The following PCDHA10 variants were observed in gnomAD, a reference collection of about 807,000 sequenced individuals.
PCDHA10 encodes the protein protocadherin alpha-10.
Under a neutral mutation model 61.2 loss-of-function variants are expected in PCDHA10, and 45 were observed. The observed-to-expected ratio is 0.74, with a 90% CI of 0.58 to 0.94. PCDHA10 has a LOEUF of 0.94. PCDHA10 is among the 40% of genes least tolerant of loss of function. PCDHA10 has a pLI of 0.00. For missense variants in PCDHA10, 1,278 were observed against 1,236.2 expected (o/e 1.03, Z -0.51); for synonymous variants, 602 against 548.8 (o/e 1.10, Z -1.35).
chr5:140,857,788 GCTGCGGTCGGTGGTTGCGGGT>G lies in PCDHA10; in HGVS notation c.1742_1762del (p.Leu581_Gly587del). Reference sequence around the variant, plus strand: ...CGGGCGGTGCAGTCAGTGAGCTGGTGCTGCGGTCGGTGGTTGCGGGTCACGTGGTGGCTAAGGTGCGCGCAG... The same window carrying G: ...CGGGCGGTGCAGTCAGTGAGCTGGTGCACGTGGTGGCTAAGGTGCGCGCAG... On this transcript the variant is annotated inframe_deletion, in exon 1 of 4. Coordinates refer to ENST00000307360, the MANE Select transcript of PCDHA10 (RefSeq NM_018901.4). The G allele has an allele frequency of 6.3e-7, 1 of 1,597,732 alleles. No homozygotes were observed. The highest frequency in any genetic ancestry group is 1.1e-5 in the South Asian group (1 of 90,478).
At chr5:140,903,916 T>C (rs1192195691) in intron 1 of PCDHA10, among the ~76,000 whole-genome samples, 1 of 152,260 alleles carries the variant, frequency 6.6e-6, no homozygotes, top group African/African-American at 2.4e-5. Flanking sequence ...TGTGACTTCC[T>C]TGCTGCATTG....
Position 141,010,460 on chromosome 5 carries a change from A to G in PCDHA10, c.*523A>G. ...AGACAAATAAACAGCGGAAGTTATC[A>G]GTATGGAGGGGAAGTGTAAACTTAA... On this transcript the variant is annotated 3_prime_UTR_variant, in exon 4 of 4. Coordinates refer to ENST00000307360, the MANE Select transcript of PCDHA10 (RefSeq NM_018901.4). The G allele has an allele frequency of 1.2e-6, 1 of 835,130 alleles. No individual in the cohort carries two copies. The highest frequency in any genetic ancestry group is 1.8e-6 in the Non-Finnish European group (1 of 562,732). The allele number at this position is 835,130 out of a possible 1,614,324, so 51.7% of individuals were successfully genotyped here.
intron 3 of PCDHA10, among the ~76,000 whole-genome samples, chr5:140,997,668 T>TTG (rs35184029): frequency 0.084 from 12,442 of 148,286 alleles, 534 homozygotes; most frequent in Admixed American, 0.1. Flanking sequence ...ATTATACAGC[T>TTG]TGTGTGTGTG....
At chr5:141,009,104 T>G (rs2098399543) in intron 3 of PCDHA10, among the ~76,000 whole-genome samples, 1 of 152,220 alleles carries the variant, frequency 6.6e-6, no homozygotes, top group Non-Finnish European at 1.5e-5. Flanking sequence ...CATATGTTAC[T>G]ATGAAACTAG....
intron 3 of PCDHA10, among the ~76,000 whole-genome samples, chr5:140,987,333 T>C (rs1470731690): frequency 6.6e-6 from 1 of 152,158 alleles, no homozygotes; most frequent in East Asian, 1.9e-4. Context: ...TAAGAACTGG[T>C]CTAAGGTAAA....
Position 140,858,267 on chromosome 5 carries a change from C to G in PCDHA10, c.2219C>G (p.Ser740Cys). Residue 740 changes from serine (S) to cysteine (C), a missense_variant, in exon 1 of 4, where the codon TCT (serine) becomes TGT (cysteine). By Grantham distance (112) the Ser-to-Cys change is moderately radical. Coordinates refer to ENST00000307360, the MANE Select transcript of PCDHA10 (RefSeq NM_018901.4). ...CGPVKPTLVC[S>C]SAVGSWSYSQ... ...CCGGTGAAGCCCACGCTGGTGTGCT[C>G]TAGCGCGGTGGGGAGCTGGTCTTAC... The G allele has an allele frequency of 6.3e-7, 1 of 1,597,232 alleles. No homozygotes were observed. Among genetic ancestry groups the G allele is most frequent in the Non-Finnish European group, 8.6e-7 (1 of 1,167,002 alleles).
intron 1 of PCDHA10, among the ~76,000 whole-genome samples, chr5:140,910,796 C>T (rs2075173732): frequency 6.6e-6 from 1 of 152,112 alleles, no homozygotes; most frequent in South Asian, 2.1e-4. Flanking sequence ...ATGCAGAATC[C>T]CTGCTTAGTG....
chr5:140,933,853 A>AT (rs2089460601), intron 1 of PCDHA10, among the ~76,000 whole-genome samples: 2 of 151,568 alleles, frequency 1.3e-5, no homozygotes, highest in Non-Finnish European at 3.0e-5. Context: ...TGTACCTTTA[A>AT]TTTTTTCAGA....
chr5:140,871,184 A>T, intron 1 of PCDHA10: 1 of 1,613,552 alleles, frequency 6.2e-7, no homozygotes, highest in Non-Finnish European at 8.5e-7. Flanking sequence ...GCGCTGGTGG[A>T]TGTCAACGTG....
At chr5:140,926,519 C>T (rs2083298131) in intron 1 of PCDHA10, 1 of 204,364 alleles carries the variant, frequency 4.9e-6, no homozygotes, top group Non-Finnish European at 9.7e-6. Flanking sequence ...AGGCTCCGCC[C>T]TGCGCCCGCA....
rs1563353899 is a variant in PCDHA10, at chr5:140,966,713, G to A, written c.2389-12236G>A. The A allele has an allele frequency of 4.3e-6, 6 of 1,392,826 alleles. No individual in the cohort carries two copies. The African/African-American group carries it at 9.1e-5, about 21-fold the overall frequency. 86.3% of individuals were successfully genotyped at this position (1,392,826 alleles called of 1,614,324 possible). ...CGGGGCCCGGGCGTGGGGCACGGCTGGGGAAGCTGCCGCCTCCGGCCCTGC... is the reference window on the plus strand; with the variant it reads ...CGGGGCCCGGGCGTGGGGCACGGCTAGGGAAGCTGCCGCCTCCGGCCCTGC... On this transcript the variant is annotated intron_variant, in intron 1 of 3. Transcript: ENST00000307360.
rs140124026 is a variant in PCDHA10, at chr5:140,973,683, C to T, written c.2389-5266C>T. On this transcript the variant is annotated intron_variant, in intron 1 of 3. Coordinates refer to ENST00000307360, the MANE Select transcript of PCDHA10 (RefSeq NM_018901.4). ...TTTATTGTAGCTTGAATGTCATTGG[C>T]CTACTGTTTCCTTCTGACCCAGGAG... is the stretch of plus-strand genomic sequence containing the variant. Among the ~76,000 whole-genome samples, 5 of 152,316 alleles carry T rather than the reference C, an allele frequency of 3.3e-5. No homozygotes were observed. The East Asian group carries it at 7.7e-4, about 24-fold the overall frequency.
intron 1 of PCDHA10, among the ~76,000 whole-genome samples, chr5:140,965,867 C>T (rs1267904737): frequency 1.3e-5 from 2 of 152,164 alleles, no homozygotes; most frequent in Non-Finnish European, 2.9e-5. Context: ...AAAATAAGGG[C>T]CACTTGGCCG....
At chr5:140,966,989 G>C (rs879989091) in intron 1 of PCDHA10, 7 of 1,604,030 alleles carry the variant, frequency 4.4e-6, no homozygotes, top group Non-Finnish European at 5.1e-6. Context: ...CTTGGGGCCG[G>C]GTTGCTTGCG....
At chr5:140,910,641 C>T (rs1270893523) in intron 1 of PCDHA10, among the ~76,000 whole-genome samples, 1 of 152,206 alleles carries the variant, frequency 6.6e-6, no homozygotes, top group Non-Finnish European at 1.5e-5. Flanking sequence ...CTCCCTAAAC[C>T]TTTTGATCCC....
At chr5:140,969,598 T>C in intron 1 of PCDHA10, 1 of 790,872 alleles carries the variant, frequency 1.3e-6, no homozygotes, top group Non-Finnish European at 1.9e-6. Context: ...TAATATTTAA[T>C]GCTAAAACAC....
rs1238256859 is a variant in PCDHA10, at chr5:141,010,204, C to T, written c.*267C>T. 6.4e-7 allele frequency: 1 copy of T among 1,551,970 alleles called. No homozygotes were observed. On this transcript the variant is annotated 3_prime_UTR_variant, in exon 4 of 4. Transcript: ENST00000307360. The stretch of plus-strand genomic sequence containing the variant: ...GACCCAAGTTTCCTTTCTCCTCCGC[C>T]GCAAAGGAGAGGCTTCCCAGCCCCG...
chr5:141,009,707 A>C lies in PCDHA10; in HGVS notation c.2617A>C (p.Asn873His). 6.2e-7 allele frequency: 1 copy of C among 1,614,144 alleles called. No individual in the cohort carries two copies. Among genetic ancestry groups the C allele is most frequent in the African/African-American group, 1.3e-5 (1 of 75,024 alleles). The change falls in exon 4 of 4, where the codon AAC becomes CAC. Residue 873 changes from asparagine (N) to histidine (H), a missense_variant. By Grantham distance (68) the Asn-to-His change is moderately conservative. Transcript: ENST00000307360. ...CTGGACCTTTAAATACGGACCAGGC[A>C]ACCCCAAACAATCCGGTCCCGGTGA... is the stretch of plus-strand genomic sequence containing the variant. ...NSWTFKYGPG[N>H]PKQSGPGELP...
Position 140,871,114 on chromosome 5 carries a change from A to G in PCDHA10, c.2388+12678A>G, listed in dbSNP as rs1554165136. The G allele has an allele frequency of 1.9e-6, 3 of 1,613,090 alleles. No individual in the cohort carries two copies. The African/African-American group carries it at 4.0e-5, about 22-fold the overall frequency. On this transcript the variant is annotated intron_variant, in intron 1 of 3. Transcript: ENST00000307360. ...CACCGTGCTGGTGTCGTTGGTGGAGAGCGGACAGGCGCCAAAGGCCTCTTC... is the reference window on the plus strand; with the variant it reads ...CACCGTGCTGGTGTCGTTGGTGGAGGGCGGACAGGCGCCAAAGGCCTCTTC...
Sources: allele counts gnomAD v4.1 joint callset (sites outside exome capture counted in the v4.1 genomes callset), GRCh38; gene constraint gnomAD v4.1.1; transcripts MANE v1.5; gene names NCBI Gene and HGNC (gene_info 2026-07-23, HGNC 2026-07-21).